MINDY2: variants seen among roughly 807,000 people sequenced by gnomAD.
MINDY2 encodes MINDY lysine 48 deubiquitinase 2.
Under a neutral mutation model 68.2 loss-of-function variants are expected in MINDY2, and 52 were observed. That is an observed-to-expected ratio of 0.76 (90% confidence interval 0.61 to 0.96). The LOEUF (loss-of-function observed/expected upper bound fraction) is 0.96, where lower values mean the gene tolerates loss of function less well. MINDY2 is among the 40% of genes least tolerant of loss of function. MINDY2 has a pLI of 0.00. For synonymous variants in MINDY2, 372 were observed against 303.0 expected (o/e 1.23, Z -2.36); for missense variants, 881 against 773.4 (o/e 1.14, Z -1.65).
chr15:58,804,122 G>A (rs1403036037), intron 3 of MINDY2, among the ~76,000 whole-genome samples: 3 of 151,452 alleles, frequency 2.0e-5, no homozygotes, highest in Non-Finnish European at 4.4e-5. Context: ...AAAAAAAAAG[G>A]AGGAGGAGGA....
chr15:58,852,922 GTTTTTTTTTTTTTTTTTTTTTTTTTTT>G lies in MINDY2; in HGVS notation c.1737+979_1737+1005del, dbSNP rs746154698. On this transcript the variant is annotated intron_variant, in intron 8 of 8. Coordinates refer to ENST00000559228, the MANE Select transcript of MINDY2 (RefSeq NM_001040450.3). ...TATACCATGCCAGACTGCTGTTCCT[GTTTTTTTTTTTTTTTTTTTTTTTTTTT>G]TTTTTTTTTTTTTTTTTTTTTAAGA... 2.2e-3 allele frequency among the ~76,000 whole-genome samples: 110 copies of G among 48,966 alleles called. 2 individuals carry two copies. The highest frequency in any genetic ancestry group is 7.5e-3 in the African/African-American group (100 of 13,326). 32.1% of individuals were successfully genotyped at this position (48,966 alleles called of 152,430 possible).
Position 58,790,984 on chromosome 15 carries a change from A to C in MINDY2, c.898+3021A>C, listed in dbSNP as rs1253295589. ...CATGAGGTCAGGAGATCGAGACCAT[A>C]CTGGCTAACACGGTGAAACCCCATC... On this transcript the variant is annotated intron_variant, in intron 2 of 8. Coordinates refer to ENST00000559228, the MANE Select transcript of MINDY2 (RefSeq NM_001040450.3). Among the ~76,000 whole-genome samples, 10 of 151,718 alleles carry C rather than the reference A, an allele frequency of 6.6e-5. No homozygotes were observed. In the South Asian group the frequency reaches 1.9e-3, roughly 29 times the overall value.
At chr15:58,842,456 T>G (rs2032329842) in intron 6 of MINDY2, among the ~76,000 whole-genome samples, 1 of 152,160 alleles carries the variant, frequency 6.6e-6, no homozygotes, top group Non-Finnish European at 1.5e-5. Context: ...AGTGGAAATT[T>G]TTTTCACAGA....
intron 3 of MINDY2, among the ~76,000 whole-genome samples, chr15:58,803,967 AAAT>A (rs1289914768): frequency 2.0e-5 from 3 of 150,602 alleles, no homozygotes; most frequent in African/African-American, 7.3e-5. Flanking sequence ...AAAAAAAAAA[AAAT>A]ACAAAAAATT....
In MINDY2 at chr15:58,831,201, C is replaced by A. The variant is rs183415077; in HGVS notation, c.1226-573C>A. On this transcript the variant is annotated intron_variant, in intron 5 of 8. Transcript: ENST00000559228. ...ATTAGCATAAAAATGGCATAAAAAA[C>A]CATTAAAAATGGCATCATTTATCCC... 5.3e-4 allele frequency among the ~76,000 whole-genome samples: 80 copies of A among 152,000 alleles called. 1 individual carries two copies. The East Asian group carries it at 0.011, about 21-fold the overall frequency.
chr15:58,813,747 A>ATT (rs35800859), intron 4 of MINDY2, among the ~76,000 whole-genome samples: 16 of 145,920 alleles, frequency 1.1e-4, no homozygotes, highest in Middle Eastern at 3.6e-3. Context: ...TAACTTGTGT[A>ATT]TTTTTTTTTT....
chr15:58,833,537 G>A (rs1268429734), intron 6 of MINDY2, among the ~76,000 whole-genome samples: 1 of 152,194 alleles, frequency 6.6e-6, no homozygotes, highest in Non-Finnish European at 1.5e-5. Context: ...TCATTATTGG[G>A]TGTGGCAGGA....
intron 5 of MINDY2, 26 bp downstream of exon 5, chr15:58,821,845 C>T: frequency 6.8e-7 from 1 of 1,466,762 alleles, no homozygotes. Flanking sequence ...TATTTCCTGA[C>T]TTTTGAAATT....
At chr15:58,801,195 A>G (rs1902626473) in intron 2 of MINDY2, among the ~76,000 whole-genome samples, 1 of 151,850 alleles carries the variant, frequency 6.6e-6, no homozygotes, top group Admixed American at 6.6e-5. Context: ...GCTGGTCTTA[A>G]ACTCCTAACC....
At position 58,859,657 on chromosome 15, in the gene MINDY2, A is replaced by G. The variant is rs2033161329; in HGVS notation, c.*5047A>G. The G allele has an allele frequency of 6.6e-6, 1 of 152,198 alleles. No homozygotes were observed. Among genetic ancestry groups the G allele is most frequent in the Non-Finnish European group, 1.5e-5 (1 of 68,024 alleles). 9.4% of individuals were successfully genotyped at this position (152,198 alleles called of 1,614,324 possible). ...CAAAACAAATTGCAAAATAGCGATA[A>G]TGGCATGGGAGAGGCCAGATGCAGG... On this transcript the variant is annotated 3_prime_UTR_variant, in exon 9 of 9. Transcript: ENST00000559228.
intron 8 of MINDY2, among the ~76,000 whole-genome samples, chr15:58,852,612 C>G (rs1007439452): frequency 7.2e-5 from 11 of 152,118 alleles, no homozygotes; most frequent in African/African-American, 2.7e-4. Context: ...TTTCCTGCTC[C>G]TGTCTCTCCT....
intron 2 of MINDY2, among the ~76,000 whole-genome samples, chr15:58,792,043 G>T (rs529481339): frequency 5.3e-5 from 8 of 152,220 alleles, no homozygotes; most frequent in African/African-American, 1.7e-4. Context: ...TAATAGCTCA[G>T]GCAGGAGGAA....
intron 2 of MINDY2, chr15:58,796,284 C>G: frequency 1.1e-5 from 4 of 360,038 alleles, no homozygotes; most frequent in South Asian, 8.7e-5. Flanking sequence ...TAGTTGGAAA[C>G]TATCTTAAGC....
At chr15:58,808,019 C>G (rs1216284148) in intron 3 of MINDY2, among the ~76,000 whole-genome samples, 2 of 151,708 alleles carry the variant, frequency 1.3e-5, no homozygotes, top group African/African-American at 4.8e-5. Flanking sequence ...ACTCCCCACT[C>G]CCCTCCCTCC....
At chr15:58,774,302 G>A (rs1421982293) in intron 1 of MINDY2, among the ~76,000 whole-genome samples, 7 of 152,058 alleles carry the variant, frequency 4.6e-5, no homozygotes, top group African/African-American at 1.7e-4. Context: ...GGCCAACATG[G>A]TGAAACCCCG....
At position 58,799,545 on chromosome 15, in the gene MINDY2, C is replaced by T. The variant is rs1009803760; in HGVS notation, c.899-2768C>T. Among the ~76,000 whole-genome samples, 244 of 148,728 alleles carry T rather than the reference C, an allele frequency of 1.6e-3. 2 individuals carry two copies. Among genetic ancestry groups the T allele is most frequent in the Non-Finnish European group, 3.5e-4 (24 of 67,666 alleles). ...AGTGAGCCGAGATGGCACCACTGCA[C>T]TCCAGCCTGGGCGACAGAGCGAGAC... On this transcript the variant is annotated intron_variant, in intron 2 of 8. Coordinates refer to ENST00000559228, the MANE Select transcript of MINDY2 (RefSeq NM_001040450.3).
chr15:58,813,085 A>AT (rs1484595743), intron 4 of MINDY2, among the ~76,000 whole-genome samples: 3 of 152,216 alleles, frequency 2.0e-5, no homozygotes, highest in Admixed American at 6.5e-5. Context: ...CATACTCACC[A>AT]TAAGTCTCCA....
chr15:58,830,215 A>G (rs1488749593), intron 5 of MINDY2, among the ~76,000 whole-genome samples: 1 of 152,188 alleles, frequency 6.6e-6, no homozygotes, highest in Admixed American at 6.5e-5. Context: ...TCCCTAGGAT[A>G]AATATGAGTG....
chr15:58,775,580 C>A (rs1900720195), intron 1 of MINDY2, among the ~76,000 whole-genome samples: 2 of 152,098 alleles, frequency 1.3e-5, no homozygotes, highest in African/African-American at 4.8e-5. Flanking sequence ...AGTTCTTTGT[C>A]CCCCTCTTTG....
Sources: gnomAD v4.1 joint callset for allele counts (sites outside exome capture counted in the v4.1 genomes callset) on GRCh38, gnomAD v4.1.1 for gene constraint, MANE v1.5 for transcripts, NCBI Gene and HGNC (gene_info 2026-07-23, HGNC 2026-07-21) for gene names.